The following ADPRHL1 variants were observed in gnomAD, a reference collection of about 807,000 sequenced individuals.
The protein encoded by ADPRHL1 is ADP-ribosylhydrolase like 1, also known as inactive ADP-ribosyltransferase ARH2.
Under a neutral mutation model 44.1 loss-of-function variants are expected in ADPRHL1, and 43 were observed. That is an observed-to-expected ratio of 0.98 (90% CI 0.76 to 1.26). ADPRHL1 has a LOEUF of 1.26. ADPRHL1 is among the 50% of genes most tolerant of loss of function. The pLI, the probability that ADPRHL1 is intolerant of heterozygous loss-of-function variation, is 0.00. For missense variants in ADPRHL1, 2,022 were observed against 2,496.9 expected, an observed-to-expected ratio of 0.81 and a Z score of 4.05; for synonymous variants, 878 against 1,017.4, an observed-to-expected ratio of 0.86 and a Z score of 2.61.
rs2043753061 is a variant in ADPRHL1, at chr13:113,400,529, C to T, written c.*2849G>A. 6.6e-6 allele frequency: 1 copy of T among 151,918 alleles called. No individual in the cohort carries two copies. The highest frequency in any genetic ancestry group is 2.4e-5 in the African/African-American group (1 of 41,314). The allele number at this position is 151,918 out of a possible 1,614,324, so 9.4% of individuals were successfully genotyped here. A position where few individuals can be genotyped will look rare whatever the true frequency, so the allele number is the denominator to read the frequency against. ...AAATGCCCGTGGAGGTGGTTAGCGC[C>T]CCATTCTTCTGCTGTAGTTATTTCA... On this transcript the variant is annotated 3_prime_UTR_variant, in exon 8 of 8. Transcript: ENST00000612156.
chr13:113,423,111 G>A, intron 6 of ADPRHL1, 132 bp from the exon 7 acceptor site: 18 of 1,306,390 alleles, frequency 1.4e-5, no homozygotes, highest in Non-Finnish European at 1.8e-5. Context: ...GGGACAGGCA[G>A]GCCAGCGCGG....
At chr13:113,413,586 C>T (rs2043871394) in intron 7 of ADPRHL1, among the ~76,000 whole-genome samples, 1 of 152,242 alleles carries the variant, frequency 6.6e-6, no homozygotes, top group Non-Finnish European at 1.5e-5. Flanking sequence ...CCCTTTCCCA[C>T]CCCTGCTGCA....
Position 113,403,476 on chromosome 13 carries a change from T to C in ADPRHL1, c.5806A>G (p.Lys1936Glu), listed in dbSNP as rs557427201. The C allele has an allele frequency of 1.6e-6, 2 of 1,232,100 alleles. No individual in the cohort carries two copies. The highest frequency in any genetic ancestry group is 3.2e-5 in the East Asian group (1 of 31,674). 76.3% of individuals were successfully genotyped at this position (1,232,100 alleles called of 1,614,324 possible). The change falls in exon 8 of 8, where the codon AAG becomes GAG. Residue 1936 changes from lysine (K) to glutamate (E), a missense_variant. Physicochemically the swap from Lys to Glu is moderately conservative, Grantham distance 56. Around this residue, in one of 8 missense-constraint regions of ADPRHL1, gnomAD observed 205 missense variants for 250.1 expected, o/e 0.82. Transcript: ENST00000612156. ...TCACGGAAGCTCTGGGCTTTGTACTTGGCCAGGTGCCTGGACCTCCCGCGA... is the reference window on the plus strand; with the variant it reads ...TCACGGAAGCTCTGGGCTTTGTACTCGGCCAGGTGCCTGGACCTCCCGCGA... The part of the protein sequence containing the change: ...ERRGRSRHLA[K>E]YKAQSFRDQR...
Position 113,422,993 on chromosome 13 carries a change from G to A in ADPRHL1, c.908-14C>T, listed in dbSNP as rs1356868441. The A allele has an allele frequency of 1.2e-6, 2 of 1,612,594 alleles. No homozygotes were observed. The highest frequency in any genetic ancestry group is 2.2e-5 in the South Asian group (2 of 91,082). On this transcript the variant is annotated splice_polypyrimidine_tract_variant and intron_variant, in intron 6 of 7. Coordinates refer to ENST00000612156, the MANE Select transcript of ADPRHL1 (RefSeq NM_001394807.1). ...CCGCGCTCTCCCCTGAAACGCAAAG[G>A]CAGCAGTTGCAGTGGGCTCCACCTG... is the stretch of plus-strand genomic sequence containing the variant.
rs1012766222 is a variant in ADPRHL1 at position 113,406,713 on chromosome 13, G to A, written c.2569C>T (p.Pro857Ser). Residue 857 changes from proline to serine, a missense_variant, in exon 8 of 8, where the codon CCC becomes TCC. By Grantham distance (74) the Pro-to-Ser change is moderately conservative. Transcript: ENST00000612156. ...CTTGACATATTTTGCAGCCTGGTGG[G>A]AGGGGCTGGCATTTCATGGACAACT... ...IPVVHEMPAP[P>S]TRLQNMSSGE... 5 of 1,231,958 alleles carry A rather than the reference G, an allele frequency of 4.1e-6. No homozygotes were observed. Among genetic ancestry groups the A allele is most frequent in the Admixed American group, 8.4e-5 (2 of 23,720 alleles). The allele number at this position is 1,231,958 out of a possible 1,614,324, so 76.3% of individuals were successfully genotyped here.
At chr13:113,436,747 T>C (rs375703528) in intron 2 of ADPRHL1, among the ~76,000 whole-genome samples, 7 of 2,602 alleles carry the variant, frequency 2.7e-3, no homozygotes, top group African/African-American at 5.3e-3. Flanking sequence ...GGCACCCAGG[T>C]GCAGGGTGAA....
At chr13:113,426,682 A>C (rs1260359039) in intron 4 of ADPRHL1, among the ~76,000 whole-genome samples, 1 of 152,230 alleles carries the variant, frequency 6.6e-6, no homozygotes, top group Non-Finnish European at 1.5e-5. Context: ...TGAAATTGGA[A>C]GTGAAAGACG....
At chr13:113,447,295 G>T (rs1486426181) in intron 1 of ADPRHL1, among the ~76,000 whole-genome samples, 4 of 143,812 alleles carry the variant, frequency 2.8e-5, no homozygotes, top group Admixed American at 6.9e-5. Flanking sequence ...GCACGGTGTT[G>T]TGTGTGCATG....
chr13:113,412,645 A>G (rs1406200687), intron 7 of ADPRHL1, among the ~76,000 whole-genome samples: 2 of 152,178 alleles, frequency 1.3e-5, no homozygotes, highest in Non-Finnish European at 2.9e-5. Context: ...GCGGGCTGGC[A>G]GAAGACCCGT....
intron 7 of ADPRHL1, among the ~76,000 whole-genome samples, chr13:113,414,683 T>G (rs1342828342): frequency 5.3e-5 from 8 of 151,134 alleles, no homozygotes; most frequent in African/African-American, 1.7e-4. Flanking sequence ...TTTTCTGTTT[T>G]TTTTTTTTTT....
intron 1 of ADPRHL1, among the ~76,000 whole-genome samples, chr13:113,452,308 A>G (rs1263412777): frequency 6.6e-6 from 1 of 152,160 alleles, no homozygotes; most frequent in Non-Finnish European, 1.5e-5. Flanking sequence ...CCGGCGCTTC[A>G]GCTCTCCCGT....
At chr13:113,419,280 ATTTTTT>A (rs33995150) in intron 7 of ADPRHL1, among the ~76,000 whole-genome samples, 17 of 106,496 alleles carry the variant, frequency 1.6e-4, no homozygotes, top group South Asian at 8.9e-4. Flanking sequence ...TAATTTTTGT[ATTTTTT>A]TTTTTTTTTT....
At chr13:113,422,785 G>C in intron 7 of ADPRHL1, 41 bp downstream of exon 7, 2 of 1,610,830 alleles carry the variant, frequency 1.2e-6, no homozygotes, top group South Asian at 2.2e-5. Flanking sequence ...CCCCGGGGTG[G>C]AATCGGCTCT....
At chr13:113,423,055 C>T (rs915872786) in intron 6 of ADPRHL1, 76 bp from the exon 7 acceptor site, 2 of 1,583,564 alleles carry the variant, frequency 1.3e-6, no homozygotes, top group African/African-American at 2.7e-5. Context: ...GCTGGCCGCC[C>T]CTAAGGTGGG....
At chr13:113,415,527 C>A (rs547034474) in intron 7 of ADPRHL1, among the ~76,000 whole-genome samples, 2 of 152,024 alleles carry the variant, frequency 1.3e-5, no homozygotes, top group East Asian at 3.9e-4. Flanking sequence ...CCGAGGCAGG[C>A]GGATCACGAG....
rs1393687070 is a variant in ADPRHL1 at position 113,436,351 on chromosome 13, CGGGA to C, written c.380-2488_380-2485del. On this transcript the variant is annotated intron_variant, in intron 2 of 7. Transcript: ENST00000612156. ...ACGTAGAGTGAACACAGGTGTACCC[CGGGA>C]CCCAGCACCCAGGTGTAGGGTGAAC... Among the ~76,000 whole-genome samples, 3 of 123,400 alleles carry C rather than the reference CGGGA, an allele frequency of 2.4e-5. No homozygotes were observed. The East Asian group carries it at 7.4e-4, about 30-fold the overall frequency. 81.0% of individuals were successfully genotyped at this position (123,400 alleles called of 152,430 possible). A position where few individuals can be genotyped will look rare whatever the true frequency, so the allele number is the denominator to read the frequency against.
chr13:113,424,440 A>G, intron 5 of ADPRHL1, 91 bp from the exon 6 acceptor site: 1 of 1,540,226 alleles, frequency 6.5e-7, no homozygotes, highest in Admixed American at 1.8e-5. Context: ...CCTCCTAGTG[A>G]ACTGCCATTT....
rs578233799 is a variant in ADPRHL1 at position 113,409,844 on chromosome 13, G to A, written c.1062-1624C>T. The A allele has an allele frequency of 3.0e-5, 25 of 832,764 alleles. No homozygotes were observed. Among genetic ancestry groups the A allele is most frequent in the Middle Eastern group, 6.3e-4 (1 of 1,584 alleles). The allele number at this position is 832,764 out of a possible 1,614,324, so 51.6% of individuals were successfully genotyped here. On this transcript the variant is annotated intron_variant, in intron 7 of 7. Coordinates refer to ENST00000612156, the MANE Select transcript of ADPRHL1 (RefSeq NM_001394807.1). The surrounding 1 kb of genome is among the most constrained non-coding windows in gnomAD (Gnocchi z 4.2). ...GCAGAGCTTGCAGTGAGCCGAGATC[G>A]CACCACTGCACTCCAGCCTGAGCGA...
At chr13:113,411,295 G>T (rs2043850757) in intron 7 of ADPRHL1, among the ~76,000 whole-genome samples, 1 of 152,154 alleles carries the variant, frequency 6.6e-6, no homozygotes, top group South Asian at 2.1e-4. Context: ...GGCCTCAGGT[G>T]GTGGGCAGCT....
Sources: gnomAD v4.1 joint callset for allele counts (sites outside exome capture counted in the v4.1 genomes callset) on GRCh38, gnomAD v4.1.1 for gene constraint, gnomAD v4.1.1 regional missense constraint, Gnocchi (gnomAD v3.1) non-coding constraint, MANE v1.5 for transcripts, NCBI Gene and HGNC (gene_info 2026-07-23, HGNC 2026-07-21) for gene names.